Variants in LIMD1 observed in about 807,000 individuals in gnomAD.
LIMD1 encodes LIM domain containing 1, also known as LIM domain-containing protein 1.
In LIMD1, 23 loss-of-function variants were observed where a neutral mutation model predicts 58.4. The observed-to-expected ratio is 0.39, with a 90% CI of 0.28 to 0.56. The LOEUF (loss-of-function observed/expected upper bound fraction) is 0.56. Ranked by LOEUF, LIMD1 falls within the 20% of genes least tolerant of loss-of-function variation. LIMD1 has a pLI of 0.57. For synonymous variants in LIMD1, 334 were observed against 345.5 expected (o/e 0.97, Z 0.37); for missense variants, 838 against 855.5 (o/e 0.98, Z 0.25).
At chr3:45,622,103 G>T (rs2125654364) in intron 1 of LIMD1, among the ~76,000 whole-genome samples, 1 of 151,368 alleles carries the variant, frequency 6.6e-6, no homozygotes, top group East Asian at 1.9e-4. Flanking sequence ...CTGGTTTTTA[G>T]TGTATTTGCA....
At chr3:45,666,400 G>C (rs539303815) in intron 3 of LIMD1, among the ~76,000 whole-genome samples, 33 of 152,136 alleles carry the variant, frequency 2.2e-4, no homozygotes, top group Non-Finnish European at 4.3e-4. Context: ...CGCATCAAGA[G>C]GCCTTATAGG....
chr3:45,663,089 G>C (rs1242403421), intron 2 of LIMD1, among the ~76,000 whole-genome samples: 1 of 151,932 alleles, frequency 6.6e-6, no homozygotes, highest in Non-Finnish European at 1.5e-5. Flanking sequence ...TGCCTTATTT[G>C]CACTGGTGTT....
intron 1 of LIMD1, among the ~76,000 whole-genome samples, chr3:45,628,007 C>CA (rs56711723): frequency 3.2e-4 from 36 of 111,594 alleles, no homozygotes; most frequent in Admixed American, 4.4e-4. Context: ...GACCCCATCT[C>CA]AAAAAAAAAA....
At chr3:45,664,342 T>A (rs1329032516) in intron 2 of LIMD1, among the ~76,000 whole-genome samples, 1 of 152,210 alleles carries the variant, frequency 6.6e-6, no homozygotes, top group African/African-American at 2.4e-5. Context: ...TTTGGCCATC[T>A]TCTGATCCAT....
In LIMD1 at chr3:45,596,301, T is replaced by C. The variant is rs748185978; in HGVS notation, c.1408+14T>C. ...CTGATTACTTTGGTGAGTGAGAGGCTGGTGGAGTTGCCTATGGTGGGGCGA... is the reference window on the plus strand; with the variant it reads ...CTGATTACTTTGGTGAGTGAGAGGCCGGTGGAGTTGCCTATGGTGGGGCGA... On this transcript the variant is annotated intron_variant, in intron 1 of 7. Coordinates refer to ENST00000273317, the MANE Select transcript of LIMD1 (RefSeq NM_014240.3). The C allele has an allele frequency of 1.2e-4, 191 of 1,571,806 alleles. No individual in the cohort carries two copies. The highest frequency in any genetic ancestry group is 1.6e-4 in the Non-Finnish European group (187 of 1,156,766).
chr3:45,595,631 T>C lies in LIMD1; in HGVS notation c.752T>C (p.Ile251Thr), dbSNP rs1252218907. 2.5e-6 allele frequency: 4 copies of C among 1,613,148 alleles called. No individual in the cohort carries two copies. Among genetic ancestry groups the C allele is most frequent in the Non-Finnish European group, 3.4e-6 (4 of 1,179,732 alleles). ...AGCCTCGGTGGTCAGAATAGTGGCA[T>C]TGGTGGCCGCAGCAGCGAGAAGCCA... ...EGSLGGQNSG[I>T]GGRSSEKPTG... The change falls in exon 1 of 8, where the codon ATT becomes ACT. Residue 251 changes from isoleucine (I) to threonine (T), a missense_variant. Physicochemically the swap from Ile to Thr is moderately conservative, Grantham distance 89. This residue lies in a region of LIMD1 where 659 missense variants were observed against 639.8 expected (regional missense o/e 1.03). Coordinates refer to ENST00000273317, the MANE Select transcript of LIMD1 (RefSeq NM_014240.3).
intron 1 of LIMD1, chr3:45,635,801 A>G (rs772332594): frequency 1.1e-5 from 7 of 625,870 alleles, no homozygotes; most frequent in Non-Finnish European, 1.4e-5. Context: ...TGCTTGGCAT[A>G]TTATAGTGAT....
chr3:45,597,585 A>G (rs1156735467), intron 1 of LIMD1, among the ~76,000 whole-genome samples: 1 of 152,254 alleles, frequency 6.6e-6, no homozygotes. Context: ...AGAGCTAACT[A>G]GAAAGACAGC....
intron 1 of LIMD1, among the ~76,000 whole-genome samples, chr3:45,635,732 C>CA (rs71095045): frequency 0.018 from 1,290 of 73,692 alleles, 101 homozygotes; most frequent in African/African-American, 0.053. Flanking sequence ...ATCCCCGTCT[C>CA]AAAAAAAAAA....
intron 5 of LIMD1, among the ~76,000 whole-genome samples, chr3:45,673,122 C>T (rs1697615904): frequency 6.6e-6 from 1 of 152,028 alleles, no homozygotes. Context: ...GTGGCTTCAG[C>T]GTTACCTAAC....
Position 45,594,753 on chromosome 3 carries a change from T to C in LIMD1, c.-127T>C, listed in dbSNP as rs1701312100. ...TGGGCCGGACTTGAGCCCCGACCCTTCGCCAGCATCTCCCCGCTGCCCTCA... is the reference window on the plus strand; with the variant it reads ...TGGGCCGGACTTGAGCCCCGACCCTCCGCCAGCATCTCCCCGCTGCCCTCA... On this transcript the variant is annotated 5_prime_UTR_variant, in exon 1 of 8. Coordinates refer to ENST00000273317, the MANE Select transcript of LIMD1 (RefSeq NM_014240.3). The C allele has an allele frequency of 1.3e-6, 1 of 787,504 alleles. No homozygotes were observed. The allele number at this position is 787,504 out of a possible 1,614,324, so 48.8% of individuals were successfully genotyped here.
chr3:45,627,588 C>G (rs1701678574), intron 1 of LIMD1, among the ~76,000 whole-genome samples: 7 of 149,958 alleles, frequency 4.7e-5, no homozygotes. Flanking sequence ...GCCAGGAGTT[C>G]AAGACCAACT....
chr3:45,595,794 C>T lies in LIMD1; in HGVS notation c.915C>T (p.Cys305=). 2.5e-6 allele frequency: 4 copies of T among 1,614,042 alleles called. No individual in the cohort carries two copies. Among genetic ancestry groups the T allele is most frequent in the Non-Finnish European group, 3.4e-6 (4 of 1,179,944 alleles). Residue 305 remains cysteine, a synonymous_variant, in exon 1 of 8, where the codon TGC becomes TGT. Coordinates refer to ENST00000273317, the MANE Select transcript of LIMD1 (RefSeq NM_014240.3). ...TGTCAGCACCCTTGGCCCTGAGCTGCCCCAGGCAAGGAGGTCTTCCAAGAT... is the reference window on the plus strand; with the variant it reads ...TGTCAGCACCCTTGGCCCTGAGCTGTCCCAGGCAAGGAGGTCTTCCAAGAT... ...PSVSAPLALS[C]PRQGGLPRSN... is the part of the protein sequence containing the mutation.
chr3:45,676,868 A>G lies in LIMD1; in HGVS notation c.1894-54A>G, dbSNP rs1251882370. ...TTTTGGGGACTGTGGCCTTCAGGTC[A>G]GTCTTGCAGTCTGTTTTGTTTTGCT... On this transcript the variant is annotated intron_variant, in intron 7 of 7. Coordinates refer to ENST00000273317, the MANE Select transcript of LIMD1 (RefSeq NM_014240.3). 3 of 1,580,082 alleles carry G rather than the reference A, an allele frequency of 1.9e-6. No homozygotes were observed. The African/African-American group carries it at 4.0e-5, about 21-fold the overall frequency.
chr3:45,675,148 C>G (rs1697650727), intron 7 of LIMD1, among the ~76,000 whole-genome samples: 1 of 152,182 alleles, frequency 6.6e-6, no homozygotes, highest in African/African-American at 2.4e-5. Flanking sequence ...TGCTGGGACC[C>G]CAGGTGCCCC....
chr3:45,614,323 C>T (rs971934969), intron 1 of LIMD1, among the ~76,000 whole-genome samples: 4 of 150,398 alleles, frequency 2.7e-5, no homozygotes, highest in Non-Finnish European at 4.4e-5. Context: ...GTCAGGAGAT[C>T]GAGACCATCC....
intron 1 of LIMD1, among the ~76,000 whole-genome samples, chr3:45,623,847 G>A (rs570704369): frequency 2.6e-5 from 4 of 152,266 alleles, no homozygotes; most frequent in South Asian, 2.1e-4. Flanking sequence ...CCCCCAAAAC[G>A]GGACCCTGTC....
At chr3:45,656,620 C>T (rs534613690) in intron 2 of LIMD1, among the ~76,000 whole-genome samples, 2 of 152,032 alleles carry the variant, frequency 1.3e-5, no homozygotes, top group South Asian at 4.2e-4. Context: ...CGGGTTCAAG[C>T]GATTCTCCTG....
intron 7 of LIMD1, among the ~76,000 whole-genome samples, chr3:45,675,504 G>C (rs1370217379): frequency 1.3e-5 from 2 of 152,096 alleles, no homozygotes; most frequent in Non-Finnish European, 2.9e-5. Flanking sequence ...ACTCCAGCCT[G>C]GGCAACAGAG....
Sources: allele counts gnomAD v4.1 joint callset (sites outside exome capture counted in the v4.1 genomes callset), GRCh38; gene constraint gnomAD v4.1.1; regional missense constraint gnomAD v4.1.1; transcripts MANE v1.5; gene names NCBI Gene and HGNC (gene_info 2026-07-23, HGNC 2026-07-21).